The following LCLAT1 variants were observed in gnomAD, a reference collection of about 807,000 sequenced individuals.
The protein encoded by LCLAT1 is lysocardiolipin acyltransferase 1.
A neutral mutation model predicts 30.7 loss-of-function variants in LCLAT1; 11 were observed. The ratio of observed to expected loss-of-function variants is 0.36; its 90% confidence interval spans 0.23 to 0.59. LCLAT1 has a LOEUF of 0.59. Ranked by LOEUF, LCLAT1 falls within the 20% of genes least tolerant of loss-of-function variation. The pLI, the probability that LCLAT1 is intolerant of heterozygous loss-of-function variation, is 0.77. For synonymous variants in LCLAT1, 155 were observed against 151.3 expected, an observed-to-expected ratio of 1.02 and a Z score of -0.18; for missense variants, 402 against 458.6, an observed-to-expected ratio of 0.88 and a Z score of 1.13.
Position 30,520,158 on chromosome 2 carries a change from C to A in LCLAT1, c.-4-5429C>A, listed in dbSNP as rs145742264. Among the ~76,000 whole-genome samples the A allele has an allele frequency of 6.9e-3, 1,053 of 152,200 alleles. 11 individuals are homozygous for A. Among genetic ancestry groups the A allele is most frequent in the African/African-American group, 0.024 (999 of 41,514 alleles). On this transcript the variant is annotated intron_variant, in intron 1 of 5. Transcript: ENST00000379509. Reference sequence around the variant, plus strand: ...GCCCAAGGTTCCATTCCTTGGAATCCGTGAGGCCAAGAACCCCCCAGGTCA... The same window carrying A: ...GCCCAAGGTTCCATTCCTTGGAATCAGTGAGGCCAAGAACCCCCCAGGTCA...
chr2:30,553,928 G>T (rs1241695716), intron 3 of LCLAT1, among the ~76,000 whole-genome samples: 1 of 152,128 alleles, frequency 6.6e-6, no homozygotes, highest in Non-Finnish European at 1.5e-5. Flanking sequence ...GTTTTTTGAG[G>T]ATCTTAACAT....
intron 1 of LCLAT1, chr2:30,459,558 A>G (rs541692157): frequency 1.6e-6 from 2 of 1,256,690 alleles, no homozygotes; most frequent in South Asian, 1.2e-5. Flanking sequence ...ACAGGCTGAA[A>G]AACAGAGTGG....
chr2:30,461,770 C>CTTTTTTTTTTTTTTTTTTTTTTTTT (rs1553354407), intron 1 of LCLAT1, among the ~76,000 whole-genome samples: 1 of 131,800 alleles, frequency 7.6e-6, no homozygotes, highest in Non-Finnish European at 1.6e-5. Flanking sequence ...CTAAATTAAA[C>CTTTTTTTTTTTTTTTTTTTTTTTTT]TTTTTTTTTT....
chr2:30,604,660 CAAAAAAAA>C (rs71405526), intron 5 of LCLAT1, among the ~76,000 whole-genome samples: 9 of 95,874 alleles, frequency 9.4e-5, no homozygotes, highest in East Asian at 6.5e-4. Flanking sequence ...GACTCCGTCT[CAAAAAAAA>C]AAAAAAAAAA....
At chr2:30,543,812 C>T (rs1572601920) in intron 3 of LCLAT1, among the ~76,000 whole-genome samples, 1 of 151,680 alleles carries the variant, frequency 6.6e-6, no homozygotes, top group South Asian at 2.1e-4. Flanking sequence ...TGAGTTTGCC[C>T]CTCTCCCCTA....
rs1289193907 is a variant in LCLAT1 at position 30,507,072 on chromosome 2, CTG to C, written c.-4-18513_-4-18512del. Among the ~76,000 whole-genome samples, 13 of 151,922 alleles carry C rather than the reference CTG, an allele frequency of 8.6e-5. No individual in the cohort carries two copies. The East Asian group carries it at 9.6e-4, about 11-fold the overall frequency. ...TTGCTAATGATAATTGTAATAATGACTGTTATTGTATATGCATATACTATATA... is the reference window on the plus strand; with the variant it reads ...TTGCTAATGATAATTGTAATAATGACTTATTGTATATGCATATACTATATA... On this transcript the variant is annotated intron_variant, in intron 1 of 5. Transcript: ENST00000379509.
rs181096928 is a variant in LCLAT1, at chr2:30,602,760, C to T, written c.628+34584C>T. ...TGGTGTAAAGTTTAAGCATCATGAC[C>T]ATTTACTCTGACAGCAGGTTGATCC... On this transcript the variant is annotated intron_variant, in intron 5 of 5. Coordinates refer to ENST00000379509, the MANE Select transcript of LCLAT1 (RefSeq NM_001002257.3). 1.6e-3 allele frequency among the ~76,000 whole-genome samples: 204 copies of T among 131,568 alleles called. 2 individuals are homozygous for T. In the East Asian group the frequency reaches 0.026, roughly 17 times the overall value. The allele number at this position is 131,568 out of a possible 152,430, so 86.3% of individuals were successfully genotyped here.
chr2:30,537,237 C>T (rs987741254), intron 3 of LCLAT1, among the ~76,000 whole-genome samples: 5 of 152,024 alleles, frequency 3.3e-5, no homozygotes, highest in Admixed American at 6.5e-5. Context: ...AAAAATTAGC[C>T]GGGCGCGGTG....
intron 1 of LCLAT1, among the ~76,000 whole-genome samples, chr2:30,496,171 A>G (rs190444723): frequency 2.2e-4 from 34 of 152,292 alleles, no homozygotes; most frequent in Non-Finnish European, 4.1e-4. Flanking sequence ...ACTCACTATT[A>G]TGAGAACAGC....
intron 1 of LCLAT1, among the ~76,000 whole-genome samples, chr2:30,492,168 A>G (rs192888629): frequency 2.8e-4 from 43 of 152,358 alleles, no homozygotes; most frequent in Middle Eastern, 3.4e-3. Flanking sequence ...GGTCTCTGAC[A>G]TGTAGAAATA....
intron 3 of LCLAT1, among the ~76,000 whole-genome samples, chr2:30,536,146 G>T (rs1686230305): frequency 6.6e-6 from 1 of 152,132 alleles, no homozygotes. Context: ...CAGAACATGT[G>T]GAACATCATT....
rs373332288 is a variant in LCLAT1, at chr2:30,617,386, T to A, written c.629-22731T>A. On this transcript the variant is annotated intron_variant, in intron 5 of 5. Coordinates refer to ENST00000379509, the MANE Select transcript of LCLAT1 (RefSeq NM_001002257.3). ...TAGTTTATTCCTTTTTATTGCTGATTGGTATTGCATTGTGTGGAATATGCC... is the reference window on the plus strand; with the variant it reads ...TAGTTTATTCCTTTTTATTGCTGATAGGTATTGCATTGTGTGGAATATGCC... Among the ~76,000 whole-genome samples, 29 of 152,358 alleles carry A rather than the reference T, an allele frequency of 1.9e-4. No homozygotes were observed. In the East Asian group the frequency reaches 2.1e-3, roughly 11 times the overall value.
intron 5 of LCLAT1, among the ~76,000 whole-genome samples, chr2:30,594,227 C>G (rs1000083893): frequency 9.9e-5 from 15 of 152,064 alleles, no homozygotes. Context: ...GTTTCATAAA[C>G]TTGTTCCTGA....
At chr2:30,535,605 A>G (rs1034736722) in intron 3 of LCLAT1, among the ~76,000 whole-genome samples, 2 of 152,204 alleles carry the variant, frequency 1.3e-5, no homozygotes, top group African/African-American at 4.8e-5. Context: ...CTTACATGGA[A>G]CCAAAGTCAA....
chr2:30,520,361 A>G (rs922546866), intron 1 of LCLAT1, among the ~76,000 whole-genome samples: 3 of 152,356 alleles, frequency 2.0e-5, no homozygotes, highest in Middle Eastern at 3.4e-3. Flanking sequence ...TTAGTTTATA[A>G]TTGTAACATC....
chr2:30,611,245 A>G (rs1667724976), intron 5 of LCLAT1, among the ~76,000 whole-genome samples: 1 of 152,134 alleles, frequency 6.6e-6, no homozygotes, highest in East Asian at 1.9e-4. Context: ...ATAAAGCTAC[A>G]TGAATTAATT....
Position 30,640,607 on chromosome 2 carries a change from G to A in LCLAT1, c.1119G>A (p.Lys373=). The change falls in exon 6 of 6, where the codon AAG becomes AAA. Residue 373 remains lysine (K), a synonymous_variant. Transcript: ENST00000379509. The part of the protein sequence containing the change: ...LLHKQPHLNS[K]KNE Reference sequence around the variant, plus strand: ...ACAAACAGCCACATTTAAATTCAAAGAAAAATGAGTAAGATTATAAGGTTT... The same window carrying A: ...ACAAACAGCCACATTTAAATTCAAAAAAAAATGAGTAAGATTATAAGGTTT... 1 of 1,598,990 alleles carries A rather than the reference G, an allele frequency of 6.3e-7. No individual in the cohort carries two copies. Among genetic ancestry groups the A allele is most frequent in the Non-Finnish European group, 8.5e-7 (1 of 1,174,406 alleles).
In LCLAT1 at chr2:30,553,157, G is replaced by GA. The variant is rs555860457; in HGVS notation, c.365-8979dup. ...TAACTATATTCATCTACACTGAAAT[G>GA]AAAAAAAAAAGTTGTGAAAAGGCTT... On this transcript the variant is annotated intron_variant, in intron 3 of 5. Transcript: ENST00000379509. Among the ~76,000 whole-genome samples the GA allele has an allele frequency of 6.3e-3, 925 of 147,952 alleles. 11 individuals are homozygous for GA. The highest frequency in any genetic ancestry group is 0.021 in the African/African-American group (846 of 40,536).
chr2:30,597,894 A>G (rs1307973091), intron 5 of LCLAT1, among the ~76,000 whole-genome samples: 3 of 152,102 alleles, frequency 2.0e-5, no homozygotes, highest in South Asian at 2.1e-4. Flanking sequence ...TTCTGTATCT[A>G]TTGAGATAAC....
Sources: gnomAD v4.1 joint callset for allele counts (sites outside exome capture counted in the v4.1 genomes callset) on GRCh38, gnomAD v4.1.1 for gene constraint, MANE v1.5 for transcripts, NCBI Gene and HGNC (gene_info 2026-07-23, HGNC 2026-07-21) for gene names.